The following HPGDS variants were observed in gnomAD, a reference collection of about 807,000 sequenced individuals.
HPGDS encodes the protein GST class-sigma.
HPGDS carries 26 observed loss-of-function variants against 23.1 expected under a neutral mutation model. That is an observed-to-expected ratio of 1.13 (90% confidence interval 0.83 to 1.56). The LOEUF (loss-of-function observed/expected upper bound fraction) is 1.56. Ranked by LOEUF, HPGDS falls within the 40% of genes most tolerant of loss-of-function variation. The pLI is 0.00. For synonymous variants in HPGDS, 95 were observed against 77.9 expected, an observed-to-expected ratio of 1.22 and a Z score of -1.16; for missense variants, 268 against 236.4, an observed-to-expected ratio of 1.13 and a Z score of -0.88.
intron 1 of HPGDS, among the ~76,000 whole-genome samples, chr4:94,336,545 T>G (rs560784936): frequency 1.5e-3 from 232 of 152,324 alleles, no homozygotes; most frequent in African/African-American, 5.2e-3. Context: ...AACTGAGATG[T>G]AGCATTCACC....
chr4:94,318,617 A>C (rs1003414028), intron 2 of HPGDS, among the ~76,000 whole-genome samples: 3 of 152,094 alleles, frequency 2.0e-5, no homozygotes, highest in Non-Finnish European at 4.4e-5. Flanking sequence ...ATTTTTAAAA[A>C]TTGATTTAAA....
chr4:94,304,850 G>T (rs1357570241), intron 4 of HPGDS, among the ~76,000 whole-genome samples: 1 of 151,980 alleles, frequency 6.6e-6, no homozygotes, highest in Non-Finnish European at 1.5e-5. Context: ...ATTTTCCTCT[G>T]GGAGGTGGTC....
At chr4:94,334,388 T>A in intron 2 of HPGDS, 109 bp downstream of exon 2, 2 of 1,007,784 alleles carry the variant, frequency 2.0e-6, no homozygotes, top group Admixed American at 5.9e-5. Context: ...GCTTTTCAAT[T>A]TAAAGCTACA....
intron 2 of HPGDS, among the ~76,000 whole-genome samples, chr4:94,319,039 T>G: frequency 6.6e-6 from 1 of 152,198 alleles, no homozygotes. Context: ...TGTAAATGTC[T>G]GTTAGGTCCA....
chr4:94,326,009 T>C (rs1756625165), intron 2 of HPGDS, among the ~76,000 whole-genome samples: 1 of 151,732 alleles, frequency 6.6e-6, no homozygotes, highest in Non-Finnish European at 1.5e-5. Context: ...TTTGAACATA[T>C]CATTCCATTG....
chr4:94,314,670 A>C (rs1487679401), intron 3 of HPGDS, among the ~76,000 whole-genome samples: 3 of 152,182 alleles, frequency 2.0e-5, no homozygotes, highest in African/African-American at 7.2e-5. Flanking sequence ...CCAAGCTGTC[A>C]GATAGGGACA....
At chr4:94,323,193 A>T (rs919491961) in intron 2 of HPGDS, among the ~76,000 whole-genome samples, 4 of 152,268 alleles carry the variant, frequency 2.6e-5, no homozygotes. Flanking sequence ...CTATGTGGTC[A>T]ATTTTGGAAT....
At chr4:94,332,050 C>A (rs1313999235) in intron 2 of HPGDS, among the ~76,000 whole-genome samples, 3 of 152,112 alleles carry the variant, frequency 2.0e-5, no homozygotes, top group African/African-American at 4.8e-5. Context: ...CCCACCCTGC[C>A]CCACAATCGT....
chr4:94,335,888 G>A (rs1720998377), intron 1 of HPGDS, among the ~76,000 whole-genome samples: 2 of 152,080 alleles, frequency 1.3e-5, no homozygotes, highest in Non-Finnish European at 2.9e-5. Context: ...TTGGGCTCAA[G>A]CCTCAAAACA....
intron 1 of HPGDS, among the ~76,000 whole-genome samples, chr4:94,339,554 CAT>C (rs1721092199): frequency 6.6e-6 from 1 of 152,182 alleles, no homozygotes; most frequent in Non-Finnish European, 1.5e-5. Flanking sequence ...CATATAAACT[CAT>C]ATGAACATAG....
chr4:94,312,332 C>T lies in HPGDS; in HGVS notation c.227-3589G>A, dbSNP rs572570492. ...TAAATGTGTCCCAGAGATTCTGGTA[C>T]GTTGTGTCTTTGTTCTCATTGGTTT... On this transcript the variant is annotated intron_variant, in intron 3 of 5. Coordinates refer to ENST00000295256, the MANE Select transcript of HPGDS (RefSeq NM_014485.3). Among the ~76,000 whole-genome samples, 20 of 152,176 alleles carry T rather than the reference C, an allele frequency of 1.3e-4. No individual in the cohort carries two copies. In the South Asian group the frequency reaches 3.1e-3, roughly 24 times the overall value.
intron 2 of HPGDS, among the ~76,000 whole-genome samples, chr4:94,323,574 A>C (rs1197648299): frequency 6.6e-6 from 1 of 152,118 alleles, no homozygotes; most frequent in African/African-American, 2.4e-5. Flanking sequence ...ATCAGAGAGT[A>C]GGATTGCAAC....
intron 1 of HPGDS, among the ~76,000 whole-genome samples, chr4:94,340,311 C>CTTTTCTTTTTTTTTTTTTTTTTTTTTT (rs1721126934): frequency 8.4e-5 from 2 of 23,678 alleles, no homozygotes; most frequent in Non-Finnish European, 8.7e-5. Context: ...CTTTCTTTCT[C>CTTTTCTTTTTTTTTTTTTTTTTTTTTT]TTTTTTTTTT....
chr4:94,314,793 C>G (rs565437238), intron 3 of HPGDS, among the ~76,000 whole-genome samples: 1 of 152,186 alleles, frequency 6.6e-6, no homozygotes, highest in Non-Finnish European at 1.5e-5. Context: ...CCACCCCTTT[C>G]GAGCTTCCTG....
At chr4:94,310,343 C>A (rs941716755) in intron 3 of HPGDS, among the ~76,000 whole-genome samples, 1 of 151,982 alleles carries the variant, frequency 6.6e-6, no homozygotes, top group South Asian at 2.1e-4. Flanking sequence ...TCAGCTTTCT[C>A]CATATGGCTA....
At chr4:94,315,210 A>T (rs1361011737) in intron 3 of HPGDS, among the ~76,000 whole-genome samples, 1 of 152,142 alleles carries the variant, frequency 6.6e-6, no homozygotes, top group African/African-American at 2.4e-5. Context: ...AAATGCAGAA[A>T]TCATTCATCT....
At chr4:94,312,700 C>T (rs1756301254) in intron 3 of HPGDS, among the ~76,000 whole-genome samples, 2 of 152,228 alleles carry the variant, frequency 1.3e-5, no homozygotes, top group Non-Finnish European at 2.9e-5. Flanking sequence ...TCCTTGTTAA[C>T]TTTCTGTCTC....
intron 3 of HPGDS, among the ~76,000 whole-genome samples, chr4:94,311,965 C>T (rs201115440): frequency 6.6e-6 from 1 of 152,028 alleles, no homozygotes; most frequent in Non-Finnish European, 1.5e-5. Flanking sequence ...GTTTGTATTT[C>T]TGTGGGATCT....
chr4:94,318,395 A>G (rs1364678778), intron 2 of HPGDS, among the ~76,000 whole-genome samples: 1 of 152,188 alleles, frequency 6.6e-6, no homozygotes, highest in Non-Finnish European at 1.5e-5. Flanking sequence ...TTAATACATA[A>G]TAATTGCACA....
Sources: allele counts gnomAD v4.1 joint callset (sites outside exome capture counted in the v4.1 genomes callset), GRCh38; gene constraint gnomAD v4.1.1; transcripts MANE v1.5; gene names NCBI Gene and HGNC (gene_info 2026-07-23, HGNC 2026-07-21).